Variants in CCDC7 observed in about 807,000 individuals in gnomAD.
CCDC7 encodes the protein coiled-coil domain-containing protein 7.
A neutral mutation model predicts 196.9 loss-of-function variants in CCDC7; 183 were observed. That is an observed-to-expected ratio of 0.93 (90% CI 0.82 to 1.05). CCDC7 has a LOEUF of 1.05. Ranked by LOEUF, CCDC7 falls within the 50% of genes least tolerant of loss-of-function variation. The pLI is 0.00. For missense variants in CCDC7, 1,540 were observed against 1,482.2 expected (o/e 1.04, Z -0.64); for synonymous variants, 525 against 484.6 (o/e 1.08, Z -1.10).
At chr10:32,696,608 C>T (rs1040965126) in intron 24 of CCDC7, among the ~76,000 whole-genome samples, 4 of 152,042 alleles carry the variant, frequency 2.6e-5, no homozygotes, top group African/African-American at 9.7e-5. Context: ...TGGGCAGAAC[C>T]TAGGAGGCTG....
chr10:32,510,024 A>T (rs1211924556), intron 9 of CCDC7, among the ~76,000 whole-genome samples: 1 of 152,200 alleles, frequency 6.6e-6, no homozygotes, highest in African/African-American at 2.4e-5. Context: ...CATAAGTGCC[A>T]CTTCTGGGTA....
intron 20 of CCDC7, among the ~76,000 whole-genome samples, chr10:32,662,056 A>C (rs1470962635): frequency 1.3e-5 from 2 of 152,144 alleles, no homozygotes; most frequent in African/African-American, 2.4e-5. Flanking sequence ...AGGGATATGC[A>C]ATTCCCTTTT....
At chr10:32,654,832 A>G (rs1447303976) in intron 20 of CCDC7, among the ~76,000 whole-genome samples, 1 of 152,190 alleles carries the variant, frequency 6.6e-6, no homozygotes, top group East Asian at 1.9e-4. Flanking sequence ...TTTGTCTATT[A>G]GATTCCCTGA....
intron 11 of CCDC7, among the ~76,000 whole-genome samples, chr10:32,523,351 G>A (rs950019271): frequency 2.0e-5 from 3 of 152,078 alleles, no homozygotes; most frequent in Admixed American, 1.3e-4. Context: ...TTCAAAACCA[G>A]CCTGGACAAC....
In CCDC7 at chr10:32,765,271, T is replaced by C. The variant is rs79035400; in HGVS notation, c.2906-13706T>C. On this transcript the variant is annotated intron_variant, in intron 28 of 41. Coordinates refer to ENST00000639629, the Ensembl canonical transcript of CCDC7. ...CAACATATAAAAGGAAATAATAAGA[T>C]TTTTTAGGGATTAATGGACAGTGCC... 1.9e-3 allele frequency among the ~76,000 whole-genome samples: 285 copies of C among 152,024 alleles called. 8 individuals carry two copies. In the East Asian group the frequency reaches 0.05, roughly 27 times the overall value.
intron 3 of CCDC7, among the ~76,000 whole-genome samples, chr10:32,456,539 G>C (rs982719685): frequency 1.2e-4 from 18 of 151,892 alleles, no homozygotes; most frequent in African/African-American, 1.2e-4. Context: ...CAAATGCAAA[G>C]ATTATGCCAC....
At chr10:32,641,882 C>G (rs577475956) in intron 20 of CCDC7, among the ~76,000 whole-genome samples, 9 of 152,314 alleles carry the variant, frequency 5.9e-5, no homozygotes, top group Admixed American at 2.6e-4. Context: ...TCAGGACCCT[C>G]AGCTGCAGGT....
At chr10:32,662,573 C>T (rs941380140) in intron 20 of CCDC7, among the ~76,000 whole-genome samples, 1 of 152,144 alleles carries the variant, frequency 6.6e-6, no homozygotes, top group African/African-American at 2.4e-5. Flanking sequence ...CCCTCAATCT[C>T]TTCCTTGAGA....
chr10:32,675,527 T>TA (rs1338984077), intron 21 of CCDC7: 1 of 152,258 alleles, frequency 6.6e-6, no homozygotes, highest in African/African-American at 2.4e-5. Flanking sequence ...ACTTTTATAC[T>TA]AGAGTTAAAA....
chr10:32,444,692 T>C (rs991378175), upstream of CCDC7, among the ~76,000 whole-genome samples: 7 of 152,218 alleles, frequency 4.6e-5, no homozygotes, highest in African/African-American at 1.7e-4. Flanking sequence ...GCAATTCAAT[T>C]CTTTCTAAAC....
intron 33 of CCDC7, among the ~76,000 whole-genome samples, chr10:32,842,148 G>A (rs1377456864): frequency 6.6e-6 from 1 of 151,884 alleles, no homozygotes; most frequent in Non-Finnish European, 1.5e-5. Flanking sequence ...GAAATTATCA[G>A]CAGAGTTAAC....
At chr10:32,660,067 T>C (rs1268383487) in intron 20 of CCDC7, among the ~76,000 whole-genome samples, 1 of 152,188 alleles carries the variant, frequency 6.6e-6, no homozygotes, top group Non-Finnish European at 1.5e-5. Flanking sequence ...CCTGAGTGGG[T>C]ACCTAAGGTA....
At chr10:32,542,247 G>A (rs2051572231) in intron 11 of CCDC7, among the ~76,000 whole-genome samples, 1 of 152,088 alleles carries the variant, frequency 6.6e-6, no homozygotes, top group South Asian at 2.1e-4. Flanking sequence ...TATTTGTTTT[G>A]AAATGCAAAC....
intron 26 of CCDC7, 147 bp downstream of exon 27, chr10:32,726,979 G>T (rs1006092589): frequency 1.9e-6 from 1 of 526,334 alleles, no homozygotes. Flanking sequence ...TAAGTAGAGA[G>T]CAAAAATGAA....
intron 28 of CCDC7, among the ~76,000 whole-genome samples, chr10:32,756,186 G>C (rs943954111): frequency 6.6e-6 from 1 of 152,170 alleles, no homozygotes; most frequent in African/African-American, 2.4e-5. Context: ...ACACTCTTCT[G>C]GATATTATCC....
chr10:32,801,581 C>A (rs971095135), intron 29 of CCDC7, among the ~76,000 whole-genome samples: 1 of 152,156 alleles, frequency 6.6e-6, no homozygotes, highest in Non-Finnish European at 1.5e-5. Flanking sequence ...AAAACTCAAG[C>A]AGTTCTTTTG....
intron 21 of CCDC7, among the ~76,000 whole-genome samples, chr10:32,677,498 T>C (rs187994820): frequency 4.6e-5 from 7 of 152,300 alleles, no homozygotes; most frequent in African/African-American, 1.7e-4. Context: ...CTGGGTGTAG[T>C]ATTCTTGGTT....
chr10:32,622,425 G>A (rs1272765310), intron 18 of CCDC7, among the ~76,000 whole-genome samples: 1 of 151,828 alleles, frequency 6.6e-6, no homozygotes, highest in Non-Finnish European at 1.5e-5. Flanking sequence ...TGCTTGGGCA[G>A]CAATTTAGAT....
At chr10:32,444,133 AGAC>A (rs386742756), upstream of CCDC7, among the ~76,000 whole-genome samples, 56,162 of 151,632 alleles carry the variant, frequency 0.37, 11,842 homozygotes, top group Non-Finnish European at 0.49. Context: ...AATACTGAAT[AGAC>A]ATAGTGAGAG....
Sources: gnomAD v4.1 joint callset for allele counts (sites outside exome capture counted in the v4.1 genomes callset) on GRCh38, gnomAD v4.1.1 for gene constraint, MANE v1.5 for transcripts, NCBI Gene and HGNC (gene_info 2026-07-23, HGNC 2026-07-21) for gene names.